FAM117B: variants seen among roughly 807,000 people sequenced by gnomAD.
The protein encoded by FAM117B is protein FAM117B.
Under a neutral mutation model 52.8 loss-of-function variants are expected in FAM117B, and 22 were observed. The ratio of observed to expected loss-of-function variants is 0.42; its 90% CI spans 0.30 to 0.59. The LOEUF is 0.59. FAM117B is among the 20% of genes least tolerant of loss of function. The pLI, the probability that FAM117B is intolerant of heterozygous loss-of-function variation, is 0.22. For synonymous variants in FAM117B, 309 were observed against 324.1 expected (o/e 0.95, Z 0.50); for missense variants, 678 against 802.6 (o/e 0.84, Z 1.88).
intron 1 of FAM117B, among the ~76,000 whole-genome samples, chr2:202,663,863 C>T (rs1184645914): frequency 6.6e-6 from 1 of 152,188 alleles, no homozygotes; most frequent in Non-Finnish European, 1.5e-5. Flanking sequence ...GGATTACAGG[C>T]GTGAGCCACT....
chr2:202,635,630 G>C lies in FAM117B; in HGVS notation c.443G>C (p.Gly148Ala). ...CCGCCGCCGCCGCCGCCGCTGCTGG[G>C]CACCGTGTCGTCGCCCAGCTCGTCG... is the stretch of plus-strand genomic sequence containing the variant. ...PRPPPPPPLL[G>A]TVSSPSSSPT... is the part of the protein sequence containing the mutation. The change falls in exon 1 of 8, where the codon GGC becomes GCC. Residue 148 changes from glycine to alanine, a missense_variant. Physicochemically the swap from Gly to Ala is moderately conservative, Grantham distance 60. This residue lies in a region of FAM117B where 583 missense variants were observed against 644.8 expected (regional missense o/e 0.90). Coordinates refer to ENST00000392238, the MANE Select transcript of FAM117B (RefSeq NM_173511.4). 1 of 1,325,472 alleles carries C rather than the reference G, an allele frequency of 7.5e-7. No homozygotes were observed. The highest frequency in any genetic ancestry group is 2.0e-5 in the South Asian group (1 of 49,788). The allele number at this position is 1,325,472 out of a possible 1,614,324, so 82.1% of individuals were successfully genotyped here.
chr2:202,653,051 G>A (rs570414351), intron 1 of FAM117B, among the ~76,000 whole-genome samples: 5 of 152,154 alleles, frequency 3.3e-5, no homozygotes, highest in Non-Finnish European at 5.9e-5. Context: ...GATCACTTGA[G>A]CTCAGGAGTT....
chr2:202,745,667 A>G (rs907173364), intron 4 of FAM117B, among the ~76,000 whole-genome samples: 1 of 152,342 alleles, frequency 6.6e-6, no homozygotes, highest in South Asian at 2.1e-4. Flanking sequence ...TGAATGGGTA[A>G]TAAAATAAGA....
intron 1 of FAM117B, among the ~76,000 whole-genome samples, chr2:202,688,838 G>C (rs1690581437): frequency 6.6e-6 from 1 of 152,090 alleles, no homozygotes; most frequent in Non-Finnish European, 1.5e-5. Context: ...CTTGAATATA[G>C]TAATTTGATA....
chr2:202,641,039 T>C (rs1389070490), intron 1 of FAM117B, among the ~76,000 whole-genome samples: 1 of 152,242 alleles, frequency 6.6e-6, no homozygotes, highest in Non-Finnish European at 1.5e-5. Flanking sequence ...TAAGCTTTGA[T>C]TGAACTACTC....
chr2:202,681,964 G>A (rs1190794211), intron 1 of FAM117B, among the ~76,000 whole-genome samples: 3 of 152,148 alleles, frequency 2.0e-5, no homozygotes, highest in African/African-American at 7.2e-5. Context: ...AGGCCTTGCT[G>A]GCAGAGGGAG....
rs368289563 is a variant in FAM117B, at chr2:202,755,593, G to T, written c.1016G>T (p.Gly339Val). The T allele has an allele frequency of 6.2e-7, 1 of 1,614,086 alleles. No individual in the cohort carries two copies. Among genetic ancestry groups the T allele is most frequent in the Non-Finnish European group, 8.5e-7 (1 of 1,179,992 alleles). ...IPVIPITKSTGSRFRNSVEGL... is the reference protein window; with the variant it reads ...IPVIPITKSTVSRFRNSVEGL... ...GTAATTCCCATCACCAAATCAACAG[G>T]CTCCCGGTTCCGGAATAGCGTGGAA... The change falls in exon 5 of 8, where the codon GGC becomes GTC. Residue 339 changes from glycine (G) to valine (V), a missense_variant. By Grantham distance (109) the Gly-to-Val change is moderately radical. Transcript: ENST00000392238.
At chr2:202,726,489 C>A in intron 4 of FAM117B, 126 bp downstream of exon 4, 1 of 653,902 alleles carries the variant, frequency 1.5e-6, no homozygotes, top group Non-Finnish European at 2.7e-6. Flanking sequence ...GATTTAAATA[C>A]TGAATCACAG....
chr2:202,737,268 T>C (rs1691454469), intron 4 of FAM117B, among the ~76,000 whole-genome samples: 1 of 152,240 alleles, frequency 6.6e-6, no homozygotes, highest in African/African-American at 2.4e-5. Context: ...GGTAAAGATA[T>C]GACCCTGTCA....
chr2:202,661,233 G>A (rs563896918), intron 1 of FAM117B, among the ~76,000 whole-genome samples: 16 of 152,224 alleles, frequency 1.1e-4, no homozygotes, highest in Non-Finnish European at 1.6e-4. Flanking sequence ...AGTGATAATT[G>A]GTGCTAGAGA....
intron 4 of FAM117B, among the ~76,000 whole-genome samples, chr2:202,737,138 T>C (rs959769210): frequency 6.6e-6 from 1 of 152,018 alleles, no homozygotes; most frequent in Non-Finnish European, 1.5e-5. Context: ...ACCTAACTTT[T>C]AAGGTATACC....
intron 2 of FAM117B, among the ~76,000 whole-genome samples, chr2:202,723,683 T>C (rs1017073938): frequency 1.3e-5 from 2 of 152,230 alleles, no homozygotes; most frequent in African/African-American, 4.8e-5. Context: ...CTAACTTACT[T>C]ACATTGTTTC....
chr2:202,667,756 A>G (rs1690227945), intron 1 of FAM117B, among the ~76,000 whole-genome samples: 3 of 152,042 alleles, frequency 2.0e-5, no homozygotes, highest in African/African-American at 7.2e-5. Context: ...TATGCTGGCT[A>G]TATTTTTTTC....
At chr2:202,741,264 C>G (rs1452661122) in intron 4 of FAM117B, among the ~76,000 whole-genome samples, 1 of 151,272 alleles carries the variant, frequency 6.6e-6, no homozygotes, top group Admixed American at 6.6e-5. Context: ...TACTAAAATA[C>G]AAAGGATTAG....
At chr2:202,760,788 G>A (rs1691874731) in intron 7 of FAM117B, among the ~76,000 whole-genome samples, 2 of 152,184 alleles carry the variant, frequency 1.3e-5, no homozygotes. Context: ...CTGTGGCAGG[G>A]AGTGGAACCA....
At chr2:202,714,023 T>G (rs1690998934) in intron 2 of FAM117B, among the ~76,000 whole-genome samples, 1 of 152,254 alleles carries the variant, frequency 6.6e-6, no homozygotes, top group Non-Finnish European at 1.5e-5. Context: ...TATCATTTGT[T>G]GTAAGAAATT....
intron 1 of FAM117B, among the ~76,000 whole-genome samples, chr2:202,668,643 T>A (rs1409096944): frequency 6.7e-6 from 1 of 149,724 alleles, no homozygotes; most frequent in African/African-American, 2.5e-5. Flanking sequence ...AATAAATAAA[T>A]AAATAAATAA....
chr2:202,699,449 G>GAAAAAAAAAAAAAAAAAAAAAAAAA (rs59522030), intron 2 of FAM117B, among the ~76,000 whole-genome samples: 2 of 100,028 alleles, frequency 2.0e-5, no homozygotes, highest in Non-Finnish European at 3.8e-5. Flanking sequence ...AAAAAAAAAA[G>GAAAAAAAAAAAAAAAAAAAAAAAAA]AAAAAAAAAA....
At chr2:202,675,672 A>G (rs1379550144) in intron 1 of FAM117B, among the ~76,000 whole-genome samples, 2 of 151,996 alleles carry the variant, frequency 1.3e-5, no homozygotes, top group African/African-American at 4.8e-5. Context: ...AGCAGAACCT[A>G]GTGACTCAAT....
Sources: gnomAD v4.1 joint callset for allele counts (sites outside exome capture counted in the v4.1 genomes callset) on GRCh38, gnomAD v4.1.1 for gene constraint, gnomAD v4.1.1 regional missense constraint, MANE v1.5 for transcripts, NCBI Gene and HGNC (gene_info 2026-07-23, HGNC 2026-07-21) for gene names.